Variants in CHEK1 observed in about 807,000 individuals in gnomAD.
The protein encoded by CHEK1 is serine/threonine-protein kinase Chk1.
In CHEK1, 32 loss-of-function variants were observed where a neutral mutation model predicts 60.2. The observed-to-expected ratio is 0.53, with a 90% CI of 0.40 to 0.71. The LOEUF is 0.71. Ranked by LOEUF, CHEK1 falls within the 30% of genes least tolerant of loss-of-function variation. The pLI is 0.00. For synonymous variants in CHEK1, 179 were observed against 187.2 expected (o/e 0.96, Z 0.36); for missense variants, 399 against 564.6 (o/e 0.71, Z 2.97).
intron 13 of CHEK1, among the ~76,000 whole-genome samples, chr11:125,667,626 GT>G (rs1942123645): frequency 6.6e-6 from 1 of 151,990 alleles, no homozygotes; most frequent in Non-Finnish European, 1.5e-5. Flanking sequence ...CCAGTACTAA[GT>G]TTTTTGTTTT....
At chr11:125,639,993 A>C (rs1941221192) in intron 8 of CHEK1, among the ~76,000 whole-genome samples, 1 of 152,128 alleles carries the variant, frequency 6.6e-6, no homozygotes, top group South Asian at 2.1e-4. Context: ...CCATTTTAAA[A>C]TCAAATCATA....
At chr11:125,654,860 A>T (rs571728701) in intron 12 of CHEK1, among the ~76,000 whole-genome samples, 1 of 152,336 alleles carries the variant, frequency 6.6e-6, no homozygotes, top group South Asian at 2.1e-4. Flanking sequence ...TAGTGTTATG[A>T]CAACAAGACT....
downstream of CHEK1, chr11:125,676,514 G>T: frequency 6.2e-7 from 1 of 1,613,228 alleles, no homozygotes; most frequent in Non-Finnish European, 8.5e-7. Flanking sequence ...ACATTTCCTT[G>T]TGGACCAGAT....
In CHEK1 at chr11:125,627,789, T is replaced by A. The variant is rs1227533180; in HGVS notation, c.248T>A (p.Phe83Tyr). The change falls in exon 3 of 13, where the codon TTT (phenylalanine) becomes TAT (tyrosine). Residue 83 changes from phenylalanine (F) to tyrosine (Y), a missense_variant. Phe to Tyr is a conservative substitution (Grantham distance 22). Coordinates refer to ENST00000438015, the MANE Select transcript of CHEK1 (RefSeq NM_001114122.3). Reference sequence around the variant, plus strand: ...AGAGAAGGCAATATCCAATATTTATTTCTGGAGTACTGTAGTGGAGGAGAG... The same window carrying A: ...AGAGAAGGCAATATCCAATATTTATATCTGGAGTACTGTAGTGGAGGAGAG... ...HRREGNIQYLFLEYCSGGELF... is the reference protein window; with the variant it reads ...HRREGNIQYLYLEYCSGGELF... The A allele has an allele frequency of 2.5e-6, 4 of 1,612,116 alleles. No individual in the cohort carries two copies. Among genetic ancestry groups the A allele is most frequent in the Non-Finnish European group, 3.4e-6 (4 of 1,179,722 alleles).
intron 11 of CHEK1, among the ~76,000 whole-genome samples, chr11:125,648,772 A>G (rs1041048754): frequency 6.6e-6 from 1 of 151,948 alleles, no homozygotes; most frequent in African/African-American, 2.4e-5. Flanking sequence ...CGAGTCTTTC[A>G]GCATTAAGTA....
chr11:125,647,557 G>GA (rs1483980667), intron 11 of CHEK1, among the ~76,000 whole-genome samples: 1 of 151,688 alleles, frequency 6.6e-6, no homozygotes, highest in African/African-American at 2.4e-5. Flanking sequence ...ATTTCTGCAA[G>GA]AAAAAAATTT....
At chr11:125,676,404 T>A, downstream of CHEK1, 1 of 1,614,172 alleles carries the variant, frequency 6.2e-7, no homozygotes, top group Non-Finnish European at 8.5e-7. Flanking sequence ...TTCTGAGTGA[T>A]GCAGGTTCCC....
chr11:125,633,380 C>A, intron 6 of CHEK1, 29 bp downstream of exon 6: 7 of 1,471,912 alleles, frequency 4.8e-6, no homozygotes, highest in South Asian at 3.0e-5. Context: ...TGGTAAAACT[C>A]CTATAAAAAG....
At chr11:125,662,086 G>A (rs1565387253), downstream of CHEK1, among the ~76,000 whole-genome samples, 1 of 152,180 alleles carries the variant, frequency 6.6e-6, no homozygotes, top group Non-Finnish European at 1.5e-5. Flanking sequence ...CTCTGTTCCT[G>A]TAATTTTGTC....
chr11:125,640,731 G>C (rs1941270385), intron 8 of CHEK1, among the ~76,000 whole-genome samples: 1 of 151,846 alleles, frequency 6.6e-6, no homozygotes, highest in South Asian at 2.1e-4. Flanking sequence ...CACTATGCCC[G>C]GCTAATTTTT....
At position 125,627,758 on chromosome 11, in the gene CHEK1, C is replaced by G. The variant is rs1224598742; in HGVS notation, c.217C>G (p.His73Asp). 1.9e-6 allele frequency: 3 copies of G among 1,613,320 alleles called. No individual in the cohort carries two copies. Among genetic ancestry groups the G allele is most frequent in the Non-Finnish European group, 2.5e-6 (3 of 1,179,832 alleles). The change falls in exon 3 of 13, where the codon CAC (histidine) becomes GAC (aspartate). Residue 73 changes from histidine to aspartate, a missense_variant. Around this residue, in one of 2 missense-constraint regions of CHEK1, gnomAD observed 370 missense variants for 494.8 expected, o/e 0.75. Transcript: ENST00000438015. ...NHENVVKFYG[H>D]RREGNIQYLF... ...TGAAAATGTAGTAAAATTCTATGGT[C>G]ACAGGAGAGAAGGCAATATCCAATA...
At chr11:125,626,279 T>G in intron 1 of CHEK1, 1 of 510,782 alleles carries the variant, frequency 2.0e-6, no homozygotes, top group South Asian at 2.8e-5. Context: ...TGGGGGCAGT[T>G]TGGCCCCGCC....
chr11:125,669,158 G>T (rs911147240), intron 13 of CHEK1, among the ~76,000 whole-genome samples: 4 of 152,000 alleles, frequency 2.6e-5, no homozygotes, highest in African/African-American at 9.7e-5. Context: ...ATTTCTCCCT[G>T]TAGGTCAGGG....
chr11:125,635,482 G>T lies in CHEK1; in HGVS notation c.667G>T (p.Glu223Ter). 6.3e-7 allele frequency: 1 copy of T among 1,576,896 alleles called. No individual in the cohort carries two copies. Among genetic ancestry groups the T allele is most frequent in the Non-Finnish European group, 8.6e-7 (1 of 1,157,600 alleles). Residue 223 changes from glutamate to a stop codon, truncating the protein, a stop_gained, in exon 7 of 13, where the codon GAA (glutamate) becomes TAA (stop). Transcript: ENST00000438015. LOFTEE classifies it high-confidence loss of function. ...DSCQEYSDWK[E>*]KKTYLNPWKK... ...CTGTCAGGAGTATTCTGACTGGAAAGAAAAAAAAACATACCTCAACCCTTG... is the reference window on the plus strand; with the variant it reads ...CTGTCAGGAGTATTCTGACTGGAAATAAAAAAAAACATACCTCAACCCTTG...
Position 125,632,591 on chromosome 11 carries a change from A to C in CHEK1, c.425-572A>C, listed in dbSNP as rs527699105. ...TCCTGCCTGCAGTTTTTGTGTGTTGAAGATGGGAAGTTAGGGTGGAAGTTG... is the reference window on the plus strand; with the variant it reads ...TCCTGCCTGCAGTTTTTGTGTGTTGCAGATGGGAAGTTAGGGTGGAAGTTG... On this transcript the variant is annotated intron_variant, in intron 5 of 12. Coordinates refer to ENST00000438015, the MANE Select transcript of CHEK1 (RefSeq NM_001114122.3). Among the ~76,000 whole-genome samples, 305 of 152,268 alleles carry C rather than the reference A, an allele frequency of 2.0e-3. 3 individuals carry two copies. The South Asian group carries it at 0.036, about 18-fold the overall frequency.
intron 13 of CHEK1, among the ~76,000 whole-genome samples, chr11:125,662,836 TCAC>T (rs759494250): frequency 6.6e-6 from 1 of 152,218 alleles, no homozygotes; most frequent in African/African-American, 2.4e-5. Context: ...TTTTATATTC[TCAC>T]CACCAATATA....
chr11:125,678,270 G>T (rs757731408), downstream of CHEK1: 1 of 1,614,152 alleles, frequency 6.2e-7, no homozygotes. Context: ...TATGGAGCCA[G>T]AAAGCTCATT....
In CHEK1 at chr11:125,626,749, C is replaced by A. The variant is rs1056080774; in HGVS notation, c.-20C>A. 6.2e-7 allele frequency: 1 copy of A among 1,614,024 alleles called. No individual in the cohort carries two copies. Among genetic ancestry groups the A allele is most frequent in the Admixed American group, 1.7e-5 (1 of 60,008 alleles). The stretch of plus-strand genomic sequence containing the variant: ...TTTTCTGGATTCCTGCCTTTTACAG[C>A]CGAGGTGCTCGGTGGAGTCATGGCA... On this transcript the variant is annotated splice_region_variant and 5_prime_UTR_variant, in exon 2 of 13. Coordinates refer to ENST00000438015, the MANE Select transcript of CHEK1 (RefSeq NM_001114122.3).
chr11:125,637,408 C>G lies in CHEK1; in HGVS notation c.719-41C>G, dbSNP rs1348184133. 13 of 1,537,258 alleles carry G rather than the reference C, an allele frequency of 8.5e-6. No homozygotes were observed. In the East Asian group the frequency reaches 3.0e-4, roughly 36 times the overall value. On this transcript the variant is annotated intron_variant, in intron 7 of 12. Coordinates refer to ENST00000438015, the MANE Select transcript of CHEK1 (RefSeq NM_001114122.3). ...TACCTCAAGCCATAGGCTTCTCTAA[C>G]ATGATTCTTTCGTGAATGTTGTCGT...
Sources: allele counts gnomAD v4.1 joint callset (sites outside exome capture counted in the v4.1 genomes callset), GRCh38; gene constraint gnomAD v4.1.1; regional missense constraint gnomAD v4.1.1; transcripts MANE v1.5; gene names NCBI Gene and HGNC (gene_info 2026-07-23, HGNC 2026-07-21).